ERBIN: variants seen among roughly 807,000 people sequenced by gnomAD.
ERBIN encodes densin-180-like protein.
Under a neutral mutation model 158.4 loss-of-function variants are expected in ERBIN, and 60 were observed. The observed-to-expected ratio is 0.38, with a 90% confidence interval of 0.31 to 0.47. The LOEUF (loss-of-function observed/expected upper bound fraction) is 0.47, where lower values mean the gene tolerates loss of function less well. Among genes scored for constraint, ERBIN ranks in the 20% least tolerant of loss-of-function variants. The pLI, the probability that ERBIN is intolerant of heterozygous loss-of-function variation, is 0.99. For missense variants in ERBIN, 1,610 were observed against 1,648.0 expected, an observed-to-expected ratio of 0.98 and a Z score of 0.40; for synonymous variants, 594 against 557.2, an observed-to-expected ratio of 1.07 and a Z score of -0.93.
At chr5:65,928,224 C>T (rs1742913632) in intron 1 of ERBIN, among the ~76,000 whole-genome samples, 1 of 151,520 alleles carries the variant, frequency 6.6e-6, no homozygotes, top group Non-Finnish European at 1.5e-5. Flanking sequence ...TTTTCCTCCC[C>T]GGGGCATGGT....
chr5:65,955,025 A>G (rs1326960379), intron 1 of ERBIN, among the ~76,000 whole-genome samples: 1 of 152,106 alleles, frequency 6.6e-6, no homozygotes, highest in East Asian at 1.9e-4. Context: ...AAATTGCCCC[A>G]CTTGCACTCC....
intron 1 of ERBIN, among the ~76,000 whole-genome samples, chr5:65,949,016 G>C: frequency 6.6e-6 from 1 of 151,984 alleles, no homozygotes; most frequent in East Asian, 1.9e-4. Flanking sequence ...CATCCGCCTT[G>C]GCCTCCCAGA....
chr5:66,004,376 G>T (rs1221711706), intron 4 of ERBIN, among the ~76,000 whole-genome samples: 1 of 151,092 alleles, frequency 6.6e-6, no homozygotes, highest in Non-Finnish European at 1.5e-5. Context: ...CAGTCTGTGT[G>T]TGCGTGTGTG....
chr5:66,077,150 CAA>C (rs397977892), intron 25 of ERBIN, among the ~76,000 whole-genome samples: 38 of 74,558 alleles, frequency 5.1e-4, no homozygotes, highest in African/African-American at 8.2e-4. Flanking sequence ...GACTCTGTCT[CAA>C]AAAAAAAAAA....
Position 66,054,540 on chromosome 5 carries a change from C to T in ERBIN, c.3222C>T (p.Ile1074=), listed in dbSNP as rs1759395414. 6.2e-7 allele frequency: 1 copy of T among 1,614,180 alleles called. No homozygotes were observed. ...TTCCTGCAGTAACTCGAAGTACAAT[C>T]CAGCGACAAAGTAGTGTGTCCTCCA... The part of the protein sequence containing the change: ...RLIPAVTRST[I]QRQSSVSSTA... The change falls in exon 21 of 26, where the codon ATC becomes ATT. Residue 1074 remains isoleucine (I), a synonymous_variant. Coordinates refer to ENST00000284037, the MANE Select transcript of ERBIN (RefSeq NM_001253697.2).
intron 1 of ERBIN, among the ~76,000 whole-genome samples, chr5:65,946,969 TA>T (rs1230916557): frequency 6.6e-6 from 1 of 151,968 alleles, no homozygotes; most frequent in East Asian, 1.9e-4. Context: ...TTTTTTTTTG[TA>T]AGTATTGAAT....
At chr5:65,983,332 T>C (rs988778198) in intron 1 of ERBIN, among the ~76,000 whole-genome samples, 22 of 152,332 alleles carry the variant, frequency 1.4e-4, no homozygotes, top group African/African-American at 5.0e-4. Flanking sequence ...TCACATTTTA[T>C]ATATATTTAG....
intron 21 of ERBIN, among the ~76,000 whole-genome samples, chr5:66,064,211 T>A (rs1760757116): frequency 6.6e-6 from 1 of 152,192 alleles, no homozygotes; most frequent in Admixed American, 6.5e-5. Context: ...AGGATTAAGA[T>A]TAATAGATTA....
rs529777292 is a variant in ERBIN at position 66,010,016 on chromosome 5, C to A, written c.308-2033C>A. On this transcript the variant is annotated intron_variant, in intron 4 of 25. Transcript: ENST00000284037. Reference sequence around the variant, plus strand: ...TTTTGAACAACCACCAAACTACTTTCCATAGTGGGTATATCAGTTTGCATT... The same window carrying A: ...TTTTGAACAACCACCAAACTACTTTACATAGTGGGTATATCAGTTTGCATT... 7.2e-5 allele frequency among the ~76,000 whole-genome samples: 11 copies of A among 152,286 alleles called. No homozygotes were observed. The South Asian group carries it at 1.0e-3, about 14-fold the overall frequency.
chr5:66,028,305 C>T lies in ERBIN; in HGVS notation c.1168C>T (p.Leu390=). 1 of 1,612,444 alleles carries T rather than the reference C, an allele frequency of 6.2e-7. No homozygotes were observed. The highest frequency in any genetic ancestry group is 1.7e-4 in the Middle Eastern group (1 of 6,054). ...LKNLPFSFTK[L]QQLTAMWLSD... is the part of the protein sequence containing the mutation. ...GAATTTACCCTTTAGCTTTACAAAG[C>T]TACAGCAATTGACAGCTATGTGGCT... Residue 390 remains leucine (L), a synonymous_variant, in exon 14 of 26, where the codon CTA becomes TTA. Coordinates refer to ENST00000284037, the MANE Select transcript of ERBIN (RefSeq NM_001253697.2).
At chr5:66,006,123 C>T (rs1022459720) in intron 4 of ERBIN, among the ~76,000 whole-genome samples, 18 of 152,160 alleles carry the variant, frequency 1.2e-4, no homozygotes, top group Non-Finnish European at 1.5e-4. Flanking sequence ...GGAGGCATCA[C>T]GCTACCTGAC....
At chr5:65,999,676 A>G (rs989753715) in intron 4 of ERBIN, among the ~76,000 whole-genome samples, 10 of 152,118 alleles carry the variant, frequency 6.6e-5, no homozygotes, top group African/African-American at 2.4e-4. Context: ...TTTCATGACA[A>G]TTTCCATTTT....
intron 1 of ERBIN, among the ~76,000 whole-genome samples, chr5:65,949,341 A>G (rs1746218217): frequency 6.6e-6 from 1 of 152,206 alleles, no homozygotes; most frequent in South Asian, 2.1e-4. Flanking sequence ...TATAAAAAAA[A>G]TACTGAGTCC....
Position 66,054,657 on chromosome 5 carries a change from G to A in ERBIN, c.3339G>A (p.Ala1113=), listed in dbSNP as rs1759412372. Residue 1113 remains alanine, a synonymous_variant, in exon 21 of 26, where the codon GCG becomes GCA. Coordinates refer to ENST00000284037, the MANE Select transcript of ERBIN (RefSeq NM_001253697.2). ...DYLSYREFHS[A]GRTPPMMPGS... ...TATCATACAGAGAGTTCCACTCAGCGGGAAGAACTCCTCCAATGATGCCAG... is the reference window on the plus strand; with the variant it reads ...TATCATACAGAGAGTTCCACTCAGCAGGAAGAACTCCTCCAATGATGCCAG... 6 of 1,613,928 alleles carry A rather than the reference G, an allele frequency of 3.7e-6. No homozygotes were observed. The highest frequency in any genetic ancestry group is 5.1e-6 in the Non-Finnish European group (6 of 1,180,008).
At chr5:66,063,688 A>G (rs975898244) in intron 21 of ERBIN, among the ~76,000 whole-genome samples, 2 of 151,938 alleles carry the variant, frequency 1.3e-5, no homozygotes, top group African/African-American at 4.8e-5. Flanking sequence ...GCTCCTCCCA[A>G]TTTCTCGATT....
intron 4 of ERBIN, among the ~76,000 whole-genome samples, chr5:66,011,139 TATC>T (rs796524636): frequency 2.0e-4 from 31 of 152,348 alleles, no homozygotes; most frequent in African/African-American, 6.7e-4. Context: ...TTAAAGCAGT[TATC>T]ATATTTTTAG....
chr5:66,031,674 A>T (rs1314177416), intron 14 of ERBIN, among the ~76,000 whole-genome samples: 1 of 152,154 alleles, frequency 6.6e-6, no homozygotes, highest in African/African-American at 2.4e-5. Context: ...CTGCAAATAA[A>T]TTAAAACATT....
intron 1 of ERBIN, among the ~76,000 whole-genome samples, chr5:65,931,811 TTTTCTTTC>T (rs1229947081): frequency 6.8e-6 from 1 of 146,768 alleles, no homozygotes; most frequent in Non-Finnish European, 1.5e-5. Flanking sequence ...ATTTTCTTTC[TTTTCTTTC>T]TTTTTTTTTT....
At chr5:66,049,657 A>G (rs1457584962) in intron 19 of ERBIN, among the ~76,000 whole-genome samples, 1 of 152,142 alleles carries the variant, frequency 6.6e-6, no homozygotes, top group African/African-American at 2.4e-5. Flanking sequence ...TGTTAACTGT[A>G]AATACAATCC....
Sources: gnomAD v4.1 joint callset for allele counts (sites outside exome capture counted in the v4.1 genomes callset) on GRCh38, gnomAD v4.1.1 for gene constraint, MANE v1.5 for transcripts, NCBI Gene and HGNC (gene_info 2026-07-23, HGNC 2026-07-21) for gene names.